The following OSBPL10 variants were observed in gnomAD, a reference collection of about 807,000 sequenced individuals.
OSBPL10 encodes the protein oxysterol binding protein like 10, also known as oxysterol-binding protein-related protein 10.
In OSBPL10, 49 loss-of-function variants were observed where a neutral mutation model predicts 81.7. The observed-to-expected ratio is 0.60, with a 90% CI of 0.48 to 0.76. The LOEUF (loss-of-function observed/expected upper bound fraction) is 0.76, where lower values mean the gene tolerates loss of function less well. Among genes scored for constraint, OSBPL10 ranks in the 30% least tolerant of loss-of-function variants. The pLI, the probability that OSBPL10 is intolerant of heterozygous loss-of-function variation, is 0.00. For synonymous variants in OSBPL10, 419 were observed against 383.6 expected (o/e 1.09, Z -1.08); for missense variants, 923 against 987.8 (o/e 0.93, Z 0.88).
chr3:31,945,043 C>T (rs1031622968), intron 1 of OSBPL10, among the ~76,000 whole-genome samples: 2 of 148,940 alleles, frequency 1.3e-5, no homozygotes, highest in African/African-American at 4.9e-5. Flanking sequence ...CCCAGCTACT[C>T]GGGAGGCCAC....
chr3:31,894,495 G>C (rs1387162151), intron 1 of OSBPL10, among the ~76,000 whole-genome samples: 1 of 152,168 alleles, frequency 6.6e-6, no homozygotes, highest in Non-Finnish European at 1.5e-5. Flanking sequence ...ACACTCATCT[G>C]TTTATTTCTA....
intron 1 of OSBPL10, among the ~76,000 whole-genome samples, chr3:31,937,551 C>T (rs1320092765): frequency 5.3e-5 from 8 of 152,096 alleles, no homozygotes; most frequent in Admixed American, 5.2e-4. Flanking sequence ...GCCACTCACC[C>T]CCATCATGCC....
intron 8 of OSBPL10, among the ~76,000 whole-genome samples, 156 bp from the exon 9 acceptor site, chr3:31,671,139 C>T (rs996151544): frequency 1.3e-5 from 2 of 152,224 alleles, no homozygotes; most frequent in Admixed American, 6.5e-5. Flanking sequence ...GTGGGCTCTA[C>T]TGTGTGCAAG....
intron 1 of OSBPL10, among the ~76,000 whole-genome samples, chr3:31,938,321 C>A (rs1697438062): frequency 6.6e-6 from 1 of 152,152 alleles, no homozygotes; most frequent in African/African-American, 2.4e-5. Context: ...AATCCCAACC[C>A]CAGATCCTTC....
chr3:31,710,849 T>C (rs1046691321), intron 6 of OSBPL10: 8 of 152,190 alleles, frequency 5.3e-5, no homozygotes, highest in African/African-American at 1.9e-4. Flanking sequence ...GCAATGGGTT[T>C]AGACATAAAG....
rs944682289 is a variant in OSBPL10 at position 31,935,867 on chromosome 3, C to T, written c.281+45032G>A. ...GTAGAAAGGGAAAGGAAATAGGTTG[C>T]GTTTAAGCAAGGGGTTCTGGAAATA... On this transcript the variant is annotated intron_variant, in intron 1 of 11. Coordinates refer to ENST00000396556, the MANE Select transcript of OSBPL10 (RefSeq NM_017784.5). Among the ~76,000 whole-genome samples the T allele has an allele frequency of 1.4e-4, 21 of 152,170 alleles. No individual in the cohort carries two copies. In the East Asian group the frequency reaches 2.1e-3, roughly 15 times the overall value.
intron 6 of OSBPL10, among the ~76,000 whole-genome samples, chr3:31,725,095 A>C (rs1313183061): frequency 6.6e-6 from 1 of 152,236 alleles, no homozygotes; most frequent in Non-Finnish European, 1.5e-5. Flanking sequence ...AATTATAACT[A>C]TTATGAAACA....
chr3:31,803,336 C>T (rs1311966055), intron 4 of OSBPL10, among the ~76,000 whole-genome samples: 2 of 152,172 alleles, frequency 1.3e-5, no homozygotes, highest in African/African-American at 4.8e-5. Flanking sequence ...GATAAGACTG[C>T]CAAGTCTATA....
intron 3 of OSBPL10, among the ~76,000 whole-genome samples, chr3:31,858,349 T>G (rs187079878): frequency 8.4e-4 from 128 of 152,258 alleles, no homozygotes; most frequent in Non-Finnish European, 1.7e-3. Flanking sequence ...TAAATTTCTC[T>G]TTTATTGCAG....
intron 1 of OSBPL10, among the ~76,000 whole-genome samples, chr3:32,070,084 C>T (rs922685492): frequency 7.9e-5 from 12 of 152,210 alleles, no homozygotes; most frequent in Non-Finnish European, 1.2e-4. Context: ...CTGACTCTGC[C>T]TGATCACATT....
intron 3 of OSBPL10, among the ~76,000 whole-genome samples, chr3:31,836,833 T>TGG (rs1332751122): frequency 6.6e-6 from 1 of 152,216 alleles, no homozygotes; most frequent in Non-Finnish European, 1.5e-5. Flanking sequence ...AGACTCCTTT[T>TGG]GGATGCTTTA....
intron 4 of OSBPL10, among the ~76,000 whole-genome samples, chr3:31,757,350 A>G (rs1488899222): frequency 6.6e-6 from 1 of 152,166 alleles, no homozygotes; most frequent in African/African-American, 2.4e-5. Flanking sequence ...TGTAAATTCC[A>G]GCACTTTGGG....
At chr3:31,687,865 G>A (rs980221174) in intron 7 of OSBPL10, among the ~76,000 whole-genome samples, 1 of 148,252 alleles carries the variant, frequency 6.7e-6, no homozygotes, top group Non-Finnish European at 1.5e-5. Flanking sequence ...AGACTAGCCT[G>A]GGCAACATAG....
intron 4 of OSBPL10, among the ~76,000 whole-genome samples, chr3:31,762,649 T>G (rs1401153704): frequency 7.1e-6 from 1 of 140,174 alleles, no homozygotes. Flanking sequence ...TTTTTTTTTT[T>G]GTAGAGATGG....
chr3:31,800,258 T>C (rs1356356054), intron 4 of OSBPL10, among the ~76,000 whole-genome samples: 1 of 152,232 alleles, frequency 6.6e-6, no homozygotes, highest in Non-Finnish European at 1.5e-5. Context: ...GAGATCTCAA[T>C]ATTATTTCAA....
intron 2 of OSBPL10, among the ~76,000 whole-genome samples, chr3:32,037,058 G>A (rs920755337): frequency 2.6e-5 from 4 of 152,216 alleles, no homozygotes; most frequent in African/African-American, 4.8e-5. Context: ...CAATTACTAG[G>A]ACTTGATGTA....
Position 31,879,824 on chromosome 3 carries a change from G to A in OSBPL10, c.288C>T (p.Phe96=), listed in dbSNP as rs549731324. 18 of 1,613,462 alleles carry A rather than the reference G, an allele frequency of 1.1e-5. No homozygotes were observed. Among genetic ancestry groups the A allele is most frequent in the East Asian group, 4.5e-5 (2 of 44,864 alleles). ...GGATGCCAGCCTCGAAATCCAGTACGAAGTACCTGCACAGAGAAACCACAG... is the reference window on the plus strand; with the variant it reads ...GGATGCCAGCCTCGAAATCCAGTACAAAGTACCTGCACAGAGAAACCACAG... ...NLLQGWQNRY[F]VLDFEAGILQ... is the part of the protein sequence containing the mutation. Residue 96 remains phenylalanine, a synonymous_variant, in exon 2 of 12, where the codon TTC becomes TTT. Transcript: ENST00000396556.
intron 4 of OSBPL10, among the ~76,000 whole-genome samples, chr3:31,812,623 G>A (rs374175149): frequency 3.3e-5 from 5 of 151,342 alleles, no homozygotes; most frequent in African/African-American, 1.2e-4. Context: ...TTCTGTCAGT[G>A]AGAAATCTTC....
intron 4 of OSBPL10, among the ~76,000 whole-genome samples, chr3:31,814,310 G>A (rs2125489232): frequency 6.6e-6 from 1 of 152,330 alleles, no homozygotes; most frequent in Middle Eastern, 3.4e-3. Flanking sequence ...ATCTCATGCT[G>A]TGACCTAAAC....
Sources: gnomAD v4.1 joint callset for allele counts (sites outside exome capture counted in the v4.1 genomes callset) on GRCh38, gnomAD v4.1.1 for gene constraint, MANE v1.5 for transcripts, NCBI Gene and HGNC (gene_info 2026-07-23, HGNC 2026-07-21) for gene names.